The following AK8 variants were observed in gnomAD, a reference collection of about 807,000 sequenced individuals.
AK8 encodes ATP-AMP transphosphorylase 8.
Under a neutral mutation model 54.6 loss-of-function variants are expected in AK8, and 44 were observed. The ratio of observed to expected loss-of-function variants is 0.81; its 90% CI spans 0.63 to 1.04. The LOEUF (loss-of-function observed/expected upper bound fraction) is 1.04, where lower values mean the gene tolerates loss of function less well. Among genes scored for constraint, AK8 ranks in the 50% least tolerant of loss-of-function variants. AK8 has a pLI of 0.00. For missense variants in AK8, 555 were observed against 613.6 expected, an observed-to-expected ratio of 0.90 and a Z score of 1.01; for synonymous variants, 239 against 245.6, an observed-to-expected ratio of 0.97 and a Z score of 0.25.
chr9:132,877,505 C>A (rs1002925073), intron 1 of AK8, among the ~76,000 whole-genome samples: 3 of 152,216 alleles, frequency 2.0e-5, no homozygotes, highest in African/African-American at 7.2e-5. Flanking sequence ...CCCTCCAGCT[C>A]CTGAAAGCCT....
At chr9:132,844,297 C>CAAAAAAAAAAA (rs35309762) in intron 5 of AK8, among the ~76,000 whole-genome samples, 1 of 92,652 alleles carries the variant, frequency 1.1e-5, no homozygotes, top group African/African-American at 4.8e-5. Flanking sequence ...TGCATTAGAC[C>CAAAAAAAAAAA]AAAAAAAAAA....
intron 10 of AK8, among the ~76,000 whole-genome samples, chr9:132,811,246 A>T (rs1564414310): frequency 6.6e-6 from 1 of 152,236 alleles, no homozygotes; most frequent in African/African-American, 2.4e-5. Flanking sequence ...TATGGCAAAA[A>T]GGGCTCTGCA....
chr9:132,826,589 G>A lies in AK8; in HGVS notation c.757+265C>T, dbSNP rs775697194. Among the ~76,000 whole-genome samples the A allele has an allele frequency of 2.1e-5, 3 of 143,464 alleles. No individual in the cohort carries two copies. Among genetic ancestry groups the A allele is most frequent in the East Asian group, 4.8e-4 (2 of 4,152 alleles). 94.1% of individuals were successfully genotyped at this position (143,464 alleles called of 152,430 possible). ...TTGCCTCTCCTCCTCCCGACCCCACGACCACCAAATCTGCTGTGGGCCAGA... is the reference window on the plus strand; with the variant it reads ...TTGCCTCTCCTCCTCCCGACCCCACAACCACCAAATCTGCTGTGGGCCAGA... On this transcript the variant is annotated intron_variant, in intron 8 of 12. Coordinates refer to ENST00000298545, the MANE Select transcript of AK8 (RefSeq NM_152572.3). This position sits in a 1 kb window ranked among gnomAD's most constrained non-coding sequence, Gnocchi z 4.5.
At chr9:132,746,220 GCA>G (rs375719831) in intron 11 of AK8, among the ~76,000 whole-genome samples, 4 of 151,984 alleles carry the variant, frequency 2.6e-5, no homozygotes, top group African/African-American at 9.7e-5. Flanking sequence ...GCACATGCAT[GCA>G]CACACACACA....
intron 5 of AK8, among the ~76,000 whole-genome samples, chr9:132,847,996 G>A: frequency 6.6e-6 from 1 of 151,842 alleles, no homozygotes; most frequent in East Asian, 1.9e-4. Flanking sequence ...TGTGCCTGTA[G>A]TCCCAGCTAC....
intron 1 of AK8, among the ~76,000 whole-genome samples, chr9:132,876,738 A>C (rs923679810): frequency 5.3e-5 from 8 of 152,200 alleles, no homozygotes; most frequent in African/African-American, 9.7e-5. Context: ...AAAGTATAAA[A>C]AATGGAAATG....
intron 11 of AK8, among the ~76,000 whole-genome samples, chr9:132,757,459 C>A (rs1396494690): frequency 6.6e-6 from 1 of 152,190 alleles, no homozygotes; most frequent in Non-Finnish European, 1.5e-5. Flanking sequence ...TGCCTGGGGG[C>A]CTACTGGTTA....
chr9:132,804,720 G>T (rs1201699116), intron 10 of AK8, among the ~76,000 whole-genome samples: 1 of 152,140 alleles, frequency 6.6e-6, no homozygotes, highest in African/African-American at 2.4e-5. Flanking sequence ...GCAGGGCGTG[G>T]TCCCCGCTTC....
chr9:132,810,910 C>A (rs760608470), intron 10 of AK8, among the ~76,000 whole-genome samples: 3 of 152,076 alleles, frequency 2.0e-5, no homozygotes, highest in Non-Finnish European at 4.4e-5. Context: ...ACGTAAACAA[C>A]CCTAATATGC....
chr9:132,852,245 G>A (rs941172965), intron 5 of AK8, among the ~76,000 whole-genome samples: 3 of 152,144 alleles, frequency 2.0e-5, no homozygotes, highest in Non-Finnish European at 4.4e-5. Context: ...AGGCCAAGGC[G>A]GGAGGATTAC....
intron 5 of AK8, among the ~76,000 whole-genome samples, chr9:132,836,203 C>A (rs563249100): frequency 6.6e-6 from 1 of 152,302 alleles, no homozygotes; most frequent in Non-Finnish European, 1.5e-5. Context: ...GTGGAAGGAT[C>A]ACTTGAGTCC....
chr9:132,790,305 C>T lies in AK8; in HGVS notation c.1121+2329G>A, dbSNP rs1330855148. Among the ~76,000 whole-genome samples the T allele has an allele frequency of 6.6e-6, 1 of 151,828 alleles. No homozygotes were observed. Among genetic ancestry groups the T allele is most frequent in the Non-Finnish European group, 1.5e-5 (1 of 67,988 alleles). ...TCACTCTGTCGCTCAGGCTGGAGCG[C>T]AGTGGCGTGATCTCAGCTCACTGCA... is the stretch of plus-strand genomic sequence containing the variant. On this transcript the variant is annotated intron_variant, in intron 11 of 12. Transcript: ENST00000298545. The surrounding 1 kb of genome is among the most constrained non-coding windows in gnomAD (Gnocchi z 4.1).
intron 9 of AK8, among the ~76,000 whole-genome samples, chr9:132,821,272 G>A (rs371397844): frequency 6.6e-6 from 1 of 151,574 alleles, no homozygotes; most frequent in Admixed American, 6.6e-5. Flanking sequence ...GCCCCTCCAC[G>A]CTCACTCTGT....
At chr9:132,853,406 A>C (rs1238635616) in intron 5 of AK8, among the ~76,000 whole-genome samples, 1 of 151,984 alleles carries the variant, frequency 6.6e-6, no homozygotes, top group Non-Finnish European at 1.5e-5. Flanking sequence ...CTAAAAACAA[A>C]GAAAAAATCT....
At chr9:132,859,585 T>C (rs1204087969) in intron 4 of AK8, among the ~76,000 whole-genome samples, 1 of 151,628 alleles carries the variant, frequency 6.6e-6, no homozygotes, top group Admixed American at 6.6e-5. Flanking sequence ...GGCTCCTCAG[T>C]GGCCTTCCCC....
chr9:132,870,209 A>G (rs1159802788), intron 2 of AK8, among the ~76,000 whole-genome samples: 3 of 152,194 alleles, frequency 2.0e-5, no homozygotes, highest in African/African-American at 4.8e-5. Flanking sequence ...TTAAAAGGGG[A>G]ACATCCACGG....
intron 4 of AK8, among the ~76,000 whole-genome samples, chr9:132,855,287 T>A (rs1208660554): frequency 2.0e-5 from 3 of 152,136 alleles, no homozygotes; most frequent in Non-Finnish European, 4.4e-5. Flanking sequence ...TGCTCCATCA[T>A]CCTGGATGGA....
intron 11 of AK8, among the ~76,000 whole-genome samples, chr9:132,735,701 C>T (rs1353236092): frequency 1.3e-5 from 2 of 152,198 alleles, no homozygotes; most frequent in Non-Finnish European, 2.9e-5. Flanking sequence ...CCCAGCAGTA[C>T]CACTTCGGAG....
intron 2 of AK8, among the ~76,000 whole-genome samples, chr9:132,868,631 T>C (rs1319460594): frequency 6.6e-6 from 1 of 152,092 alleles, no homozygotes. Context: ...GAGAAACAGG[T>C]GGAGTTGCTG....
Sources: allele counts gnomAD v4.1 joint callset (sites outside exome capture counted in the v4.1 genomes callset), GRCh38; gene constraint gnomAD v4.1.1; non-coding constraint Gnocchi (gnomAD v3.1); transcripts MANE v1.5; gene names NCBI Gene and HGNC (gene_info 2026-07-23, HGNC 2026-07-21).